The following SNX32 variants were observed in gnomAD, a reference collection of about 807,000 sequenced individuals.
SNX32 encodes sorting nexin-32.
A neutral mutation model predicts 57.0 loss-of-function variants in SNX32; 58 were observed. The ratio of observed to expected loss-of-function variants is 1.02; its 90% confidence interval spans 0.82 to 1.27. SNX32 has a LOEUF of 1.27. Among genes scored for constraint, SNX32 ranks in the 50% most tolerant of loss-of-function variants. The pLI, the probability that SNX32 is intolerant of heterozygous loss-of-function variation, is 0.00. For missense variants in SNX32, 589 were observed against 541.2 expected (o/e 1.09, Z -0.88); for synonymous variants, 262 against 220.4 (o/e 1.19, Z -1.67).
Position 65,839,225 on chromosome 11 carries a change from A to ATTTTTTTTTTTTTTTTTTTTTTTTTTT in SNX32, c.36+5146_36+5147insTTTTTTTTTTTTTTTTTTTTTTTTTTT, listed in dbSNP as rs1168882508. On this transcript the variant is annotated intron_variant, in intron 1 of 12. Coordinates refer to ENST00000308342, the MANE Select transcript of SNX32 (RefSeq NM_152760.3). ...CACCACGCCCAGCTAATTTTTTTGT[A>ATTTTTTTTTTTTTTTTTTTTTTTTTTT]TTTTTTTTTTTTTTTTTTTTTTGAG... 3.3e-3 allele frequency among the ~76,000 whole-genome samples: 90 copies of ATTTTTTTTTTTTTTTTTTTTTTTTTTT among 27,632 alleles called. 13 individuals are homozygous for ATTTTTTTTTTTTTTTTTTTTTTTTTTT. Among genetic ancestry groups the ATTTTTTTTTTTTTTTTTTTTTTTTTTT allele is most frequent in the Non-Finnish European group, 4.3e-3 (72 of 16,564 alleles). 18.1% of individuals were successfully genotyped at this position (27,632 alleles called of 152,430 possible).
intron 1 of SNX32, among the ~76,000 whole-genome samples, chr11:65,847,233 C>T (rs1209552): frequency 0.15 from 22,154 of 151,946 alleles, 2,125 homozygotes; most frequent in South Asian, 0.25. Context: ...TGCCCAGGCT[C>T]GTCTCAAACT....
intron 1 of SNX32, among the ~76,000 whole-genome samples, chr11:65,834,764 T>C (rs900935487): frequency 4.6e-5 from 7 of 150,888 alleles, no homozygotes; most frequent in Admixed American, 2.0e-4. Flanking sequence ...ATGGTCTGCG[T>C]GCATCTTTAT....
rs758957185 is a variant in SNX32, at chr11:65,850,463, C to G, written c.407C>G (p.Ala136Gly). The change falls in exon 5 of 13, where the codon GCG becomes GGG. Residue 136 changes from alanine (A) to glycine (G), a missense_variant. Ala to Gly is a moderately conservative substitution (Grantham distance 60). Transcript: ENST00000308342. The part of the protein sequence containing the change: ...EYLAIFKKTV[A>G]MHEVFLQRLA... ...CTGGCCATCTTTAAGAAGACAGTTGCGATGCACGAAGTCTTTCTGCAGCGC... is the reference window on the plus strand; with the variant it reads ...CTGGCCATCTTTAAGAAGACAGTTGGGATGCACGAAGTCTTTCTGCAGCGC... 3.1e-6 allele frequency: 5 copies of G among 1,614,098 alleles called. No individual in the cohort carries two copies. Among genetic ancestry groups the G allele is most frequent in the African/African-American group, 1.3e-5 (1 of 74,944 alleles).
intron 6 of SNX32, 81 bp downstream of exon 6, chr11:65,850,936 A>G: frequency 6.6e-7 from 1 of 1,523,384 alleles, no homozygotes; most frequent in South Asian, 1.1e-5. Flanking sequence ...TGGGTGTGGG[A>G]AGGAAGCCAC....
At chr11:65,839,509 A>T (rs1444736994) in intron 1 of SNX32, among the ~76,000 whole-genome samples, 4 of 148,848 alleles carry the variant, frequency 2.7e-5, no homozygotes, top group Non-Finnish European at 6.0e-5. Context: ...GATTACAGGC[A>T]TTTTTTTGTA....
intron 5 of SNX32, 59 bp downstream of exon 5, chr11:65,850,613 A>AG: frequency 6.4e-7 from 1 of 1,561,878 alleles, no homozygotes; most frequent in Non-Finnish European, 8.7e-7. Flanking sequence ...TTGGGTGGGG[A>AG]GGCACCCAGG....
chr11:65,846,755 G>A (rs1014130699), intron 1 of SNX32, among the ~76,000 whole-genome samples: 7 of 151,724 alleles, frequency 4.6e-5, no homozygotes, highest in Admixed American at 1.3e-4. Flanking sequence ...AGGCCAAGGC[G>A]GGAGGATGAC....
intron 1 of SNX32, among the ~76,000 whole-genome samples, chr11:65,844,179 T>G (rs539802064): frequency 1.3e-5 from 2 of 152,242 alleles, no homozygotes; most frequent in Admixed American, 1.3e-4. Flanking sequence ...ATCACCCAAA[T>G]GATTCTGAAA....
At chr11:65,843,822 G>T (rs1444368403) in intron 1 of SNX32, among the ~76,000 whole-genome samples, 1 of 152,174 alleles carries the variant, frequency 6.6e-6, no homozygotes, top group Non-Finnish European at 1.5e-5. Flanking sequence ...ATCAACAATG[G>T]GTTTGTCTCC....
chr11:65,847,306 TA>T (rs988943946), intron 1 of SNX32, among the ~76,000 whole-genome samples: 3 of 151,668 alleles, frequency 2.0e-5, no homozygotes, highest in African/African-American at 7.2e-5. Context: ...ACAGCACTTT[TA>T]AAAAAAAATT....
At chr11:65,839,223 G>GTTTTGTTTTTT (rs755185237) in intron 1 of SNX32, among the ~76,000 whole-genome samples, 2 of 23,078 alleles carry the variant, frequency 8.7e-5, no homozygotes, top group African/African-American at 4.0e-4. Flanking sequence ...TAATTTTTTT[G>GTTTTGTTTTTT]TATTTTTTTT....
At chr11:65,843,806 G>A (rs1403924427) in intron 1 of SNX32, among the ~76,000 whole-genome samples, 1 of 152,138 alleles carries the variant, frequency 6.6e-6, no homozygotes, top group Non-Finnish European at 1.5e-5. Flanking sequence ...ACTGACAAAA[G>A]GTATAATCAA....
At position 65,833,998 on chromosome 11, in the gene SNX32, G is replaced by T. The variant is rs575020734; in HGVS notation, c.-68G>T. The T allele has an allele frequency of 1.1e-4, 167 of 1,529,794 alleles. No individual in the cohort carries two copies. The African/African-American group carries it at 1.9e-3, about 17-fold the overall frequency. 94.8% of individuals were successfully genotyped at this position (1,529,794 alleles called of 1,614,324 possible). ...AGCATCCTCACTCGGTCAGTTCCTC[G>T]GGCGAGTTACGGGGACGACCTGCGG... On this transcript the variant is annotated 5_prime_UTR_variant, in exon 1 of 13. Coordinates refer to ENST00000308342, the MANE Select transcript of SNX32 (RefSeq NM_152760.3).
At chr11:65,840,424 A>C (rs1858810049) in intron 1 of SNX32, among the ~76,000 whole-genome samples, 2 of 152,178 alleles carry the variant, frequency 1.3e-5, no homozygotes, top group South Asian at 4.1e-4. Flanking sequence ...ATAATAAGGC[A>C]GTAAAAAGAA....
At chr11:65,849,360 G>A (rs893450499) in intron 1 of SNX32, 118 bp from the exon 2 acceptor site, 1 of 739,298 alleles carries the variant, frequency 1.4e-6, no homozygotes, top group Non-Finnish European at 2.3e-6. Flanking sequence ...GGTGACCTGG[G>A]GCATTGCTGA....
chr11:65,852,884 T>G lies in SNX32; in HGVS notation c.1084T>G (p.Phe362Val). Residue 362 changes from phenylalanine (F) to valine (V), a missense_variant, in exon 12 of 13, where the codon TTC (phenylalanine) becomes GTC (valine). Physicochemically the swap from Phe to Val is conservative, Grantham distance 50. Transcript: ENST00000308342. Reference sequence around the variant, plus strand: ...CCCCTCCTCTCCAGAGCTCATGGACTTCAAGTCCCGCCGGGTCTCCTCTTT... The same window carrying G: ...CCCCTCCTCTCCAGAGCTCATGGACGTCAAGTCCCGCCGGGTCTCCTCTTT... ...SDSAKQELMD[F>V]KSRRVSSFRK... 1 of 1,614,116 alleles carries G rather than the reference T, an allele frequency of 6.2e-7. No homozygotes were observed. Among genetic ancestry groups the G allele is most frequent in the Non-Finnish European group, 8.5e-7 (1 of 1,179,988 alleles).
chr11:65,834,834 CTGTG>C (rs57841777), intron 1 of SNX32, among the ~76,000 whole-genome samples: 2,167 of 146,990 alleles, frequency 0.015, 20 homozygotes, highest in South Asian at 0.031. Flanking sequence ...GTGTGTGTGT[CTGTG>C]TATTTCTGGG....
intron 8 of SNX32, 96 bp downstream of exon 8, chr11:65,851,499 G>A: frequency 1.3e-6 from 2 of 1,523,258 alleles, no homozygotes; most frequent in Non-Finnish European, 1.8e-6. Context: ...TCAGCTCTAG[G>A]TGGGAGGTGT....
intron 1 of SNX32, among the ~76,000 whole-genome samples, chr11:65,836,437 G>A (rs563573135): frequency 1.2e-4 from 19 of 152,012 alleles, no homozygotes; most frequent in Non-Finnish European, 2.6e-4. Flanking sequence ...CCAACTACTT[G>A]GGAGACTGAG....
Sources: gnomAD v4.1 joint callset for allele counts (sites outside exome capture counted in the v4.1 genomes callset) on GRCh38, gnomAD v4.1.1 for gene constraint, MANE v1.5 for transcripts, NCBI Gene and HGNC (gene_info 2026-07-23, HGNC 2026-07-21) for gene names.